TTC33: variants seen among roughly 807,000 people sequenced by gnomAD.
TTC33 encodes the protein tetratricopeptide repeat protein 33.
TTC33 carries 24 observed loss-of-function variants against 29.4 expected under a neutral mutation model. The ratio of observed to expected loss-of-function variants is 0.82; its 90% CI spans 0.59 to 1.15. TTC33 has a LOEUF of 1.15. Ranked by LOEUF, TTC33 falls within the 50% of genes most tolerant of loss-of-function variation. The probability of loss-of-function intolerance (pLI) is 0.00; values close to 1 mark genes in which losing one functional copy is unlikely to be tolerated. For synonymous variants in TTC33, 107 were observed against 100.3 expected (o/e 1.07, Z -0.40); for missense variants, 286 against 310.4 (o/e 0.92, Z 0.59).
chr5:40,725,409 A>G (rs1160899691), intron 4 of TTC33, among the ~76,000 whole-genome samples: 2 of 152,206 alleles, frequency 1.3e-5, no homozygotes, highest in African/African-American at 4.8e-5. Context: ...TGCAACTGAA[A>G]TTTCTAATTA....
intron 2 of TTC33, among the ~76,000 whole-genome samples, chr5:40,731,406 CAATA>C (rs1742424776): frequency 1.3e-5 from 2 of 152,158 alleles, no homozygotes; most frequent in African/African-American, 4.8e-5. Flanking sequence ...TCTCACGCTG[CAATA>C]AAGAACTGCC....
At chr5:40,735,379 CAGAA>C (rs1742527158) in intron 2 of TTC33, among the ~76,000 whole-genome samples, 1 of 151,858 alleles carries the variant, frequency 6.6e-6, no homozygotes, top group Non-Finnish European at 1.5e-5. Flanking sequence ...GAAGTGAAAA[CAGAA>C]AGAGGAAAAA....
At chr5:40,753,376 G>T (rs1003840596) in intron 1 of TTC33, among the ~76,000 whole-genome samples, 1 of 149,944 alleles carries the variant, frequency 6.7e-6, no homozygotes, top group Non-Finnish European at 1.5e-5. Context: ...AAAAAAAAAA[G>T]AAAGAAAGAA....
At chr5:40,727,195 A>G (rs1321373995) in intron 4 of TTC33, among the ~76,000 whole-genome samples, 2 of 152,270 alleles carry the variant, frequency 1.3e-5, no homozygotes, top group Admixed American at 1.3e-4. Flanking sequence ...ACTGTTAGTA[A>G]GTTTATATTT....
At chr5:40,751,064 A>C (rs1186191315) in intron 1 of TTC33, among the ~76,000 whole-genome samples, 1 of 152,256 alleles carries the variant, frequency 6.6e-6, no homozygotes, top group Admixed American at 6.5e-5. Flanking sequence ...CATGAATCAC[A>C]AATATTCCTA....
intron 1 of TTC33, among the ~76,000 whole-genome samples, chr5:40,754,111 A>G (rs1430227850): frequency 6.6e-6 from 1 of 152,196 alleles, no homozygotes; most frequent in Non-Finnish European, 1.5e-5. Flanking sequence ...GTTATGGCCC[A>G]AGGTGGTGGC....
In TTC33 at chr5:40,746,805, T is replaced by G. The variant is rs1309166076; in HGVS notation, c.214A>C (p.Asn72His). 3 of 1,610,336 alleles carry G rather than the reference T, an allele frequency of 1.9e-6. No individual in the cohort carries two copies. The highest frequency in any genetic ancestry group is 2.5e-6 in the Non-Finnish European group (3 of 1,179,008). Reference sequence around the variant, plus strand: ...AAAACTTTAAATACATACCTTTTATTTTCAGCCAAACTGGCTCCTTCATCC... The same window carrying G: ...AAAACTTTAAATACATACCTTTTATGTTCAGCCAAACTGGCTCCTTCATCC... ...LKDEGASLAE[N>H]KRYREAIQKW... Residue 72 changes from asparagine (N) to histidine (H), a missense_variant, in exon 2 of 5, where the codon AAT (asparagine) becomes CAT (histidine). Asn to His is a moderately conservative substitution (Grantham distance 68). Coordinates refer to ENST00000337702, the MANE Select transcript of TTC33 (RefSeq NM_012382.3).
chr5:40,750,627 T>C (rs927986590), intron 1 of TTC33, among the ~76,000 whole-genome samples: 2 of 152,028 alleles, frequency 1.3e-5, no homozygotes, highest in Non-Finnish European at 2.9e-5. Context: ...TCACAAAAAA[T>C]TTTTCTGTAG....
intron 4 of TTC33, among the ~76,000 whole-genome samples, chr5:40,717,254 CATGT>C (rs938963838): frequency 1.4e-5 from 2 of 139,546 alleles, no homozygotes; most frequent in African/African-American, 5.2e-5. Context: ...AAAAGATTTA[CATGT>C]ATTAACTCAT....
chr5:40,719,051 A>C (rs1050942954), intron 4 of TTC33, among the ~76,000 whole-genome samples: 10 of 152,232 alleles, frequency 6.6e-5, no homozygotes, highest in African/African-American at 2.4e-4. Context: ...GGAAACATTA[A>C]AAGGTATTTT....
At position 40,714,236 on chromosome 5, in the gene TTC33, G is replaced by A. The variant is rs1316377361; in HGVS notation, c.*1909C>T. 6.6e-6 allele frequency among the ~76,000 whole-genome samples: 1 copy of A among 152,036 alleles called. No individual in the cohort carries two copies. Among genetic ancestry groups the A allele is most frequent in the African/African-American group, 2.4e-5 (1 of 41,382 alleles). On this transcript the variant is annotated 3_prime_UTR_variant, in exon 5 of 5. Coordinates refer to ENST00000337702, the MANE Select transcript of TTC33 (RefSeq NM_012382.3). ...ACTTCTTACTTTCAGATAAGGAAAG[G>A]ATTACAAAAAAAGTTCTCCTTTTTT...
chr5:40,714,658 C>T lies in TTC33; in HGVS notation c.*1487G>A, dbSNP rs2111855113. 1 of 152,284 alleles carries T rather than the reference C, an allele frequency of 6.6e-6. No homozygotes were observed. The highest frequency in any genetic ancestry group is 2.4e-5 in the African/African-American group (1 of 41,560). The allele number at this position is 152,284 out of a possible 1,614,324, so 9.4% of individuals were successfully genotyped here. On this transcript the variant is annotated 3_prime_UTR_variant, in exon 5 of 5. Coordinates refer to ENST00000337702, the MANE Select transcript of TTC33 (RefSeq NM_012382.3). The stretch of plus-strand genomic sequence containing the variant: ...AGCACTCTGAAACTAACCTCTCTAA[C>T]CAGAGCTAATTTTCTGATGATATAA...
chr5:40,724,454 G>A (rs1213284915), intron 4 of TTC33, among the ~76,000 whole-genome samples: 2 of 151,930 alleles, frequency 1.3e-5, no homozygotes, highest in African/African-American at 2.4e-5. Context: ...CCAACACGGT[G>A]AAACCCTGTC....
intron 4 of TTC33, among the ~76,000 whole-genome samples, chr5:40,726,550 C>CAA (rs35619166): frequency 1.7e-3 from 227 of 132,854 alleles, no homozygotes; most frequent in Non-Finnish European, 2.5e-3. Flanking sequence ...ATTTAAATGG[C>CAA]AAAAAAAAAA....
intron 1 of TTC33, among the ~76,000 whole-genome samples, chr5:40,752,893 A>G (rs1464046488): frequency 1.3e-5 from 2 of 152,236 alleles, no homozygotes. Flanking sequence ...AGTGAAGCAC[A>G]ATAAAATGAT....
chr5:40,755,015 C>T (rs1201066882), intron 1 of TTC33, among the ~76,000 whole-genome samples: 3 of 152,192 alleles, frequency 2.0e-5, no homozygotes, highest in Non-Finnish European at 4.4e-5. Flanking sequence ...TGAGAGTAAA[C>T]CACAATCCAC....
At chr5:40,728,093 CTAACATGG>C (rs1462288510) in intron 4 of TTC33, among the ~76,000 whole-genome samples, 1 of 151,836 alleles carries the variant, frequency 6.6e-6, no homozygotes, top group Non-Finnish European at 1.5e-5. Context: ...ACCAGCCTGA[CTAACATGG>C]TGACACCCCG....
intron 4 of TTC33, among the ~76,000 whole-genome samples, chr5:40,720,857 G>A (rs1241065966): frequency 2.0e-5 from 3 of 152,178 alleles, no homozygotes; most frequent in Admixed American, 6.5e-5. Flanking sequence ...ACCCTCAAGG[G>A]AAAGAATGAA....
At chr5:40,741,115 T>G (rs1198300311) in intron 2 of TTC33, among the ~76,000 whole-genome samples, 1 of 152,250 alleles carries the variant, frequency 6.6e-6, no homozygotes, top group Non-Finnish European at 1.5e-5. Context: ...CTCTTTGGCA[T>G]GTCCAGTAAT....
Sources: allele counts gnomAD v4.1 joint callset (sites outside exome capture counted in the v4.1 genomes callset), GRCh38; gene constraint gnomAD v4.1.1; transcripts MANE v1.5; gene names NCBI Gene and HGNC (gene_info 2026-07-23, HGNC 2026-07-21).